The following SRBD1 variants were observed in gnomAD, a reference collection of about 807,000 sequenced individuals.
SRBD1 encodes the protein S1 RNA binding domain 1, also known as S1 RNA-binding domain-containing protein 1.
A neutral mutation model predicts 115.3 loss-of-function variants in SRBD1; 88 were observed. The ratio of observed to expected loss-of-function variants is 0.76; its 90% CI spans 0.64 to 0.91. SRBD1 has a LOEUF of 0.91. Ranked by LOEUF, SRBD1 falls within the 40% of genes least tolerant of loss-of-function variation. The pLI, the probability that SRBD1 is intolerant of heterozygous loss-of-function variation, is 0.00. For synonymous variants in SRBD1, 509 were observed against 407.7 expected (o/e 1.25, Z -2.99); for missense variants, 1,385 against 1,177.4 (o/e 1.18, Z -2.58).
At chr2:45,556,351 T>C (rs1197362964) in intron 10 of SRBD1, among the ~76,000 whole-genome samples, 1 of 151,152 alleles carries the variant, frequency 6.6e-6, no homozygotes, top group African/African-American at 2.4e-5. Flanking sequence ...CAGAAATAAA[T>C]GTTAAAGATA....
intron 14 of SRBD1, among the ~76,000 whole-genome samples, chr2:45,522,192 T>C (rs1328759867): frequency 6.6e-6 from 1 of 152,016 alleles, no homozygotes; most frequent in Admixed American, 6.6e-5. Flanking sequence ...ATCTGAAATT[T>C]TTTTTTTTTG....
At chr2:45,415,422 T>C (rs1159680402) in intron 18 of SRBD1, among the ~76,000 whole-genome samples, 3 of 109,448 alleles carry the variant, frequency 2.7e-5, no homozygotes, top group African/African-American at 8.7e-5. Context: ...ATAGTGTGTA[T>C]ATGTGTATAT....
intron 19 of SRBD1, among the ~76,000 whole-genome samples, chr2:45,396,303 T>A (rs1390404748): frequency 1.3e-5 from 2 of 152,178 alleles, no homozygotes; most frequent in Non-Finnish European, 2.9e-5. Flanking sequence ...ATTTTACAAA[T>A]AATTTACTGG....
intron 9 of SRBD1, among the ~76,000 whole-genome samples, chr2:45,563,405 A>G (rs981550960): frequency 6.6e-6 from 1 of 152,056 alleles, no homozygotes; most frequent in African/African-American, 2.4e-5. Context: ...AACACATTAA[A>G]AACACTCCTT....
At chr2:45,522,116 T>A (rs1671303125) in intron 14 of SRBD1, among the ~76,000 whole-genome samples, 1 of 151,610 alleles carries the variant, frequency 6.6e-6, no homozygotes, top group South Asian at 2.1e-4. Context: ...GACAAATGGA[T>A]AAACAAAATA....
chr2:45,599,862 A>C, intron 3 of SRBD1, 27 bp from the exon 4 acceptor site: 1 of 1,566,524 alleles, frequency 6.4e-7, no homozygotes, highest in Non-Finnish European at 8.6e-7. Flanking sequence ...AGAACATATG[A>C]GAATTAGAAG....
chr2:45,522,138 G>T (rs771826259), intron 14 of SRBD1, among the ~76,000 whole-genome samples: 2 of 151,914 alleles, frequency 1.3e-5, no homozygotes, highest in Non-Finnish European at 1.5e-5. Flanking sequence ...CGTATAGATT[G>T]AGCATCCCAA....
At chr2:45,545,528 TA>T (rs1441094516) in intron 14 of SRBD1, among the ~76,000 whole-genome samples, 3 of 151,158 alleles carry the variant, frequency 2.0e-5, no homozygotes, top group African/African-American at 7.3e-5. Context: ...GTGAACAAGT[TA>T]AAAAAAAATC....
At chr2:45,414,528 AGT>A (rs566523088) in intron 18 of SRBD1, among the ~76,000 whole-genome samples, 12 of 146,190 alleles carry the variant, frequency 8.2e-5, no homozygotes, top group Admixed American at 3.5e-4. Flanking sequence ...GTGTGTATAT[AGT>A]GTGTGTACAC....
rs539409773 is a variant in SRBD1, at chr2:45,568,161, T to C, written c.1305+5046A>G. The C allele has an allele frequency of 2.6e-5, 4 of 152,200 alleles. No homozygotes were observed. In the South Asian group the frequency reaches 8.3e-4, roughly 32 times the overall value. The allele number at this position is 152,200 out of a possible 1,614,324, so 9.4% of individuals were successfully genotyped here. A position where few individuals can be genotyped will look rare whatever the true frequency, so the allele number is the denominator to read the frequency against. On this transcript the variant is annotated intron_variant, in intron 9 of 20. Transcript: ENST00000263736. ...AGGAACAGAAAGTCCCATGAGAGAA[T>C]GTGAAGACTGAGTTACAAATTCATG... is the stretch of plus-strand genomic sequence containing the variant.
At chr2:45,425,773 C>T (rs1027633619) in intron 16 of SRBD1, among the ~76,000 whole-genome samples, 5 of 152,002 alleles carry the variant, frequency 3.3e-5, no homozygotes, top group South Asian at 2.1e-4. Flanking sequence ...TGTGAGGGAC[C>T]GTGCTGTGAG....
At chr2:45,425,566 G>C (rs549884924) in intron 16 of SRBD1, among the ~76,000 whole-genome samples, 1 of 152,218 alleles carries the variant, frequency 6.6e-6, no homozygotes, top group East Asian at 1.9e-4. Flanking sequence ...GCAGCTTCCA[G>C]CGAGATCAAT....
At chr2:45,507,445 C>T (rs560003534) in intron 14 of SRBD1, among the ~76,000 whole-genome samples, 30 of 152,124 alleles carry the variant, frequency 2.0e-4, no homozygotes, top group African/African-American at 6.3e-4. Flanking sequence ...AGGCTGGGCG[C>T]GGCGGCTCAC....
chr2:45,510,298 G>C (rs771957537), intron 14 of SRBD1, among the ~76,000 whole-genome samples: 3 of 152,116 alleles, frequency 2.0e-5, no homozygotes, highest in Non-Finnish European at 4.4e-5. Flanking sequence ...AGTGTGGGAA[G>C]GGATATTTTT....
intron 6 of SRBD1, among the ~76,000 whole-genome samples, chr2:45,581,240 T>G (rs1169478493): frequency 6.6e-6 from 1 of 152,184 alleles, no homozygotes; most frequent in Non-Finnish European, 1.5e-5. Flanking sequence ...TCTCTATTTT[T>G]TTCCTACCTC....
rs573234275 is a variant in SRBD1, at chr2:45,391,091, G to T, written c.2699-1492C>A. Among the ~76,000 whole-genome samples the T allele has an allele frequency of 1.5e-3, 222 of 152,262 alleles. 1 individual carries two copies. Among genetic ancestry groups the T allele is most frequent in the African/African-American group, 5.3e-3 (220 of 41,544 alleles). ...CTTTCTCTCTCTCTCTTTTCTTGGGGAGGTCCAGCTGCTGCAGATTCCCTA... is the reference window on the plus strand; with the variant it reads ...CTTTCTCTCTCTCTCTTTTCTTGGGTAGGTCCAGCTGCTGCAGATTCCCTA... On this transcript the variant is annotated intron_variant, in intron 20 of 20. Transcript: ENST00000263736.
At chr2:45,584,762 G>C (rs1377367702) in intron 5 of SRBD1, among the ~76,000 whole-genome samples, 1 of 152,176 alleles carries the variant, frequency 6.6e-6, no homozygotes, top group East Asian at 1.9e-4. Context: ...TTAGCAGTGA[G>C]TCCAGAGGCA....
At chr2:45,392,447 C>G (rs1451745076) in intron 20 of SRBD1, among the ~76,000 whole-genome samples, 1 of 152,224 alleles carries the variant, frequency 6.6e-6, no homozygotes, top group African/African-American at 2.4e-5. Context: ...CACCATCTAC[C>G]TGTGCTGAAA....
chr2:45,488,343 GA>G lies in SRBD1; in HGVS notation c.1875-13del. Reference sequence around the variant, plus strand: ...CTTCACTGACGATACTGAGAAGACAGAAAAAGGGGAATATCACTTTCCTAAC... The same window carrying G: ...CTTCACTGACGATACTGAGAAGACAGAAAAGGGGAATATCACTTTCCTAAC... On this transcript the variant is annotated splice_polypyrimidine_tract_variant and intron_variant, in intron 14 of 20. Transcript: ENST00000263736. The G allele has an allele frequency of 6.2e-7, 1 of 1,601,134 alleles. No homozygotes were observed. The highest frequency in any genetic ancestry group is 8.5e-7 in the Non-Finnish European group (1 of 1,171,812).
Sources: gnomAD v4.1 joint callset for allele counts (sites outside exome capture counted in the v4.1 genomes callset) on GRCh38, gnomAD v4.1.1 for gene constraint, MANE v1.5 for transcripts, NCBI Gene and HGNC (gene_info 2026-07-23, HGNC 2026-07-21) for gene names.